The following ACTR3C variants were observed in gnomAD, a reference collection of about 807,000 sequenced individuals.
ACTR3C encodes the protein actin-related protein 3C.
ACTR3C carries 18 observed loss-of-function variants against 26.3 expected under a neutral mutation model. The observed-to-expected ratio is 0.68, with a 90% CI of 0.47 to 1.01. ACTR3C has a LOEUF of 1.01. Among genes scored for constraint, ACTR3C ranks in the 50% least tolerant of loss-of-function variants. The pLI is 0.00. For synonymous variants in ACTR3C, 55 were observed against 94.5 expected (o/e 0.58, Z 2.42); for missense variants, 184 against 250.7 (o/e 0.73, Z 1.80).
intron 1 of ACTR3C, among the ~76,000 whole-genome samples, chr7:150,300,307 G>T (rs552408978): frequency 3.9e-4 from 60 of 152,190 alleles, no homozygotes; most frequent in African/African-American, 1.4e-3. Flanking sequence ...AGCTGAGATC[G>T]TGCCACTGCA....
the ACTR3C span, among the ~76,000 whole-genome samples, chr7:150,159,275 A>G: frequency 6.6e-6 from 1 of 151,988 alleles, no homozygotes; most frequent in Non-Finnish European, 1.5e-5. Flanking sequence ...ACTTCTTCCC[A>G]GGATGGGCTT....
chr7:149,944,830 G>A, the ACTR3C span, among the ~76,000 whole-genome samples: 3 of 150,864 alleles, frequency 2.0e-5, no homozygotes, highest in African/African-American at 7.3e-5. Flanking sequence ...ATGCACCAAG[G>A]CATAAAAGAG....
chr7:149,991,312 T>G, the ACTR3C span, among the ~76,000 whole-genome samples: 4 of 152,196 alleles, frequency 2.6e-5, no homozygotes, highest in African/African-American at 9.7e-5. Flanking sequence ...AGATGAGATT[T>G]GGGTGGGCAC....
the ACTR3C span, among the ~76,000 whole-genome samples, chr7:150,225,939 A>G: frequency 2.0e-5 from 3 of 152,226 alleles, no homozygotes; most frequent in Non-Finnish European, 4.4e-5. Flanking sequence ...TATAATGGAA[A>G]TCATACAGTA....
chr7:150,072,754 T>A, the ACTR3C span, among the ~76,000 whole-genome samples: 1 of 151,698 alleles, frequency 6.6e-6, no homozygotes, highest in Non-Finnish European at 1.5e-5. Flanking sequence ...GGATGAACTA[T>A]GGAAAAACAT....
At chr7:150,250,109 G>C (rs1223633436) in intron 6 of ACTR3C, among the ~76,000 whole-genome samples, 5 of 151,838 alleles carry the variant, frequency 3.3e-5, no homozygotes, top group African/African-American at 9.7e-5. Context: ...GGGGCTGTTG[G>C]TTACATTGAG....
chr7:150,194,288 T>TAAAAG, the ACTR3C span, among the ~76,000 whole-genome samples: 3 of 146,536 alleles, frequency 2.0e-5, no homozygotes, highest in South Asian at 2.1e-4. Flanking sequence ...ATATAATATA[T>TAAAAG]AAAAGTCTTT....
chr7:150,289,692 C>G (rs1376945924), intron 3 of ACTR3C, 99 bp from the exon 4 acceptor site: 21 of 1,553,242 alleles, frequency 1.4e-5, no homozygotes, highest in Non-Finnish European at 1.7e-5. Context: ...CCTGTCTGCC[C>G]CTCACGGCAC....
chr7:150,294,683 G>C (rs1465161811), intron 2 of ACTR3C, among the ~76,000 whole-genome samples: 2 of 152,180 alleles, frequency 1.3e-5, no homozygotes, highest in East Asian at 3.9e-4. Context: ...CCTTAGAAGT[G>C]ACTAGTATTA....
chr7:150,249,762 A>G (rs897215731), intron 6 of ACTR3C, among the ~76,000 whole-genome samples: 37 of 152,256 alleles, frequency 2.4e-4, no homozygotes, highest in African/African-American at 7.9e-4. Flanking sequence ...GCCATACCTC[A>G]TGAGTTTTTA....
At chr7:149,997,590 T>C in the ACTR3C span, among the ~76,000 whole-genome samples, 1 of 151,846 alleles carries the variant, frequency 6.6e-6, no homozygotes, top group Non-Finnish European at 1.5e-5. Context: ...TTAATATGAA[T>C]GGACATTATT....
At chr7:150,060,529 T>C in the ACTR3C span, among the ~76,000 whole-genome samples, 2 of 152,180 alleles carry the variant, frequency 1.3e-5, no homozygotes, top group African/African-American at 4.8e-5. Context: ...CTTACAGTTT[T>C]TGATTTGTAT....
the ACTR3C span, among the ~76,000 whole-genome samples, chr7:150,110,649 G>C: frequency 4.2e-5 from 6 of 141,896 alleles, no homozygotes; most frequent in Admixed American, 2.9e-4. Context: ...GGTGGGGCTG[G>C]CAAGGGGCAA....
chr7:150,285,098 C>G (rs1026595673), intron 5 of ACTR3C, among the ~76,000 whole-genome samples: 3 of 152,046 alleles, frequency 2.0e-5, no homozygotes, highest in African/African-American at 7.2e-5. Context: ...ACAGACAGAC[C>G]ACCCCCACCC....
At chr7:150,047,951 G>C in the ACTR3C span, 1 of 1,217,980 alleles carries the variant, frequency 8.2e-7, no homozygotes, top group Non-Finnish European at 1.0e-6. Context: ...TAAAAAAAAG[G>C]CGGTGGGGAG....
the ACTR3C span, among the ~76,000 whole-genome samples, chr7:150,003,766 G>A: frequency 1.1e-4 from 16 of 152,296 alleles, no homozygotes; most frequent in African/African-American, 3.9e-4. Flanking sequence ...ATGGTGTACA[G>A]TGTCTGTGGG....
the ACTR3C span, among the ~76,000 whole-genome samples, chr7:149,982,811 A>G: frequency 6.6e-6 from 1 of 152,192 alleles, no homozygotes; most frequent in Non-Finnish European, 1.5e-5. Context: ...TTGTCTACAC[A>G]TAAGATCATG....
the ACTR3C span, among the ~76,000 whole-genome samples, chr7:149,992,474 G>A: frequency 6.6e-6 from 1 of 152,182 alleles, no homozygotes; most frequent in Admixed American, 6.5e-5. Context: ...CATAAAATAT[G>A]ACTAAGTTGT....
chr7:150,069,113 A>G, the ACTR3C span, among the ~76,000 whole-genome samples: 8 of 152,158 alleles, frequency 5.3e-5, no homozygotes, highest in African/African-American at 1.9e-4. Context: ...TGGTGACAGT[A>G]TGTTGTATTT....
Sources: gnomAD v4.1 joint callset for allele counts (sites outside exome capture counted in the v4.1 genomes callset) on GRCh38, gnomAD v4.1.1 for gene constraint, MANE v1.5 for transcripts, NCBI Gene and HGNC (gene_info 2026-07-23, HGNC 2026-07-21) for gene names.